CTNNA2: variants seen among roughly 807,000 people sequenced by gnomAD.
CTNNA2 encodes catenin alpha-2.
CTNNA2 carries 42 observed loss-of-function variants against 101.0 expected under a neutral mutation model. That is an observed-to-expected ratio of 0.42 (90% CI 0.32 to 0.54). CTNNA2 has a LOEUF of 0.54. Ranked by LOEUF, CTNNA2 falls within the 20% of genes least tolerant of loss-of-function variation. The probability of loss-of-function intolerance (pLI) is 0.14; values close to 1 mark genes in which losing one functional copy is unlikely to be tolerated. For missense variants in CTNNA2, 871 were observed against 1,223.1 expected (o/e 0.71, Z 4.29); for synonymous variants, 450 against 456.4 (o/e 0.99, Z 0.18).
At chr2:79,519,899 C>A (rs949146737) in intron 1 of CTNNA2, among the ~76,000 whole-genome samples, 2 of 152,154 alleles carry the variant, frequency 1.3e-5, no homozygotes, top group Non-Finnish European at 2.9e-5. Flanking sequence ...TGGCTTGTTT[C>A]GGCCATGCCA....
At chr2:80,493,261 G>T (rs1687201904) in intron 9 of CTNNA2, among the ~76,000 whole-genome samples, 1 of 152,272 alleles carries the variant, frequency 6.6e-6, no homozygotes, top group East Asian at 1.9e-4. Flanking sequence ...ATTGTCTGTG[G>T]CCTCCAGAGA....
intron 7 of CTNNA2, among the ~76,000 whole-genome samples, chr2:79,991,238 T>C (rs518269): frequency 0.56 from 84,426 of 152,020 alleles, 27,520 homozygotes; most frequent in Non-Finnish European, 0.75. Context: ...CCTGGATTCA[T>C]TGAAGATGGA....
At chr2:80,096,387 G>A (rs999255323) in intron 7 of CTNNA2, among the ~76,000 whole-genome samples, 2 of 152,112 alleles carry the variant, frequency 1.3e-5, no homozygotes, top group African/African-American at 2.4e-5. Flanking sequence ...TATAATTTCT[G>A]TTCTTTTACA....
Position 79,218,261 on chromosome 2 carries a change from T to C in CTNNA2, c.-406+20185T>C, listed in dbSNP as rs148435696. Among the ~76,000 whole-genome samples, 684 of 150,652 alleles carry C rather than the reference T, an allele frequency of 4.5e-3. 3 individuals carry two copies. Among genetic ancestry groups the C allele is most frequent in the African/African-American group, 0.016 (650 of 41,026 alleles). On this transcript the variant is annotated intron_variant, in intron 2 of 21. Transcript: ENST00000466387. ...GAGAGACAGAAGCACAGGGGTCCAG[T>C]AGAGTCTGAGCTTCCTTTCCTAAGC...
chr2:80,022,084 A>C (rs933907650), intron 7 of CTNNA2, among the ~76,000 whole-genome samples: 1 of 152,242 alleles, frequency 6.6e-6, no homozygotes, highest in Non-Finnish European at 1.5e-5. Context: ...TGGCTTGATA[A>C]AATGGGAATT....
intron 7 of CTNNA2, among the ~76,000 whole-genome samples, chr2:80,111,893 G>A (rs1701233590): frequency 6.6e-6 from 1 of 152,064 alleles, no homozygotes; most frequent in South Asian, 2.1e-4. Flanking sequence ...TCACTATATG[G>A]CTAATAATAA....
intron 4 of CTNNA2, among the ~76,000 whole-genome samples, chr2:79,454,583 A>G (rs1055545781): frequency 6.6e-6 from 1 of 152,216 alleles, no homozygotes; most frequent in Non-Finnish European, 1.5e-5. Flanking sequence ...TAAAGTCTCA[A>G]AATATTATCA....
At chr2:79,568,595 T>C (rs1222952666) in intron 1 of CTNNA2, among the ~76,000 whole-genome samples, 3 of 150,516 alleles carry the variant, frequency 2.0e-5, no homozygotes, top group Non-Finnish European at 4.4e-5. Flanking sequence ...AGACTCCCTC[T>C]CAAAAAAAGA....
chr2:80,102,203 T>G (rs1700588559), intron 7 of CTNNA2, among the ~76,000 whole-genome samples: 1 of 152,148 alleles, frequency 6.6e-6, no homozygotes. Flanking sequence ...AATGTTTCAT[T>G]CCAATCTTTC....
chr2:79,848,703 GCATACTGAA>G (rs1306965910), intron 3 of CTNNA2, among the ~76,000 whole-genome samples: 3 of 152,106 alleles, frequency 2.0e-5, no homozygotes, highest in African/African-American at 4.8e-5. Flanking sequence ...TAGTACTTTT[GCATACTGAA>G]CATATCTTGA....
intron 7 of CTNNA2, among the ~76,000 whole-genome samples, chr2:80,354,532 C>T (rs567242421): frequency 3.2e-4 from 49 of 152,080 alleles, no homozygotes; most frequent in Non-Finnish European, 5.9e-4. Flanking sequence ...TACAAGTAAA[C>T]GCAAACAGAA....
At chr2:79,338,849 G>T (rs1006919042) in intron 3 of CTNNA2, among the ~76,000 whole-genome samples, 7 of 152,092 alleles carry the variant, frequency 4.6e-5, no homozygotes, top group African/African-American at 1.7e-4. Context: ...AGAGAGGAAG[G>T]TGTGAAAGAT....
rs534820595 is a variant in CTNNA2, at chr2:80,466,130, C to T, written c.1290+46529C>T. 2.6e-5 allele frequency among the ~76,000 whole-genome samples: 4 copies of T among 152,196 alleles called. No homozygotes were observed. In the South Asian group the frequency reaches 8.3e-4, roughly 32 times the overall value. Reference sequence around the variant, plus strand: ...TCCTCTGTAACTTATATTGTAATTGCCACATTTCTGTTGTGATATTGATTT... The same window carrying T: ...TCCTCTGTAACTTATATTGTAATTGTCACATTTCTGTTGTGATATTGATTT... On this transcript the variant is annotated intron_variant, in intron 9 of 18. Coordinates refer to ENST00000402739, the MANE Select transcript of CTNNA2 (RefSeq NM_001282597.3).
chr2:79,897,566 A>G (rs1016721806), intron 6 of CTNNA2, among the ~76,000 whole-genome samples: 5 of 152,166 alleles, frequency 3.3e-5, no homozygotes, highest in African/African-American at 1.2e-4. Context: ...GGTACTGCTA[A>G]GATTCATTCC....
chr2:80,221,811 A>G (rs900246197), intron 7 of CTNNA2, among the ~76,000 whole-genome samples: 10 of 152,254 alleles, frequency 6.6e-5, no homozygotes, highest in African/African-American at 1.7e-4. Context: ...TTTCAGATTA[A>G]TGATCAAAAT....
intron 7 of CTNNA2, among the ~76,000 whole-genome samples, chr2:80,095,422 T>A (rs1487247368): frequency 6.6e-6 from 1 of 152,230 alleles, no homozygotes; most frequent in African/African-American, 2.4e-5. Context: ...TTATTGAGGA[T>A]TTTTGCGTCA....
At chr2:79,436,772 C>T (rs1380756651) in intron 4 of CTNNA2, among the ~76,000 whole-genome samples, 5 of 152,038 alleles carry the variant, frequency 3.3e-5, no homozygotes, top group Admixed American at 1.3e-4. Flanking sequence ...TCTGGGACTA[C>T]AGGCACCCGC....
At chr2:79,214,439 G>A (rs950477124) in intron 2 of CTNNA2, among the ~76,000 whole-genome samples, 2 of 152,192 alleles carry the variant, frequency 1.3e-5, no homozygotes, top group Non-Finnish European at 2.9e-5. Context: ...AGGCTCGTCT[G>A]GTTCTAGGAC....
chr2:79,527,886 T>C (rs536250371), intron 1 of CTNNA2, among the ~76,000 whole-genome samples: 1 of 152,298 alleles, frequency 6.6e-6, no homozygotes, highest in Admixed American at 6.6e-5. Context: ...CAGCATTATT[T>C]ATGATAGCCA....
Sources: gnomAD v4.1 joint callset for allele counts (sites outside exome capture counted in the v4.1 genomes callset) on GRCh38, gnomAD v4.1.1 for gene constraint, MANE v1.5 for transcripts, NCBI Gene and HGNC (gene_info 2026-07-23, HGNC 2026-07-21) for gene names.